Variants in IFNGR1 observed in about 807,000 individuals in gnomAD.
IFNGR1 encodes interferon gamma receptor 1.
In IFNGR1, 23 loss-of-function variants were observed where a neutral mutation model predicts 35.4. The ratio of observed to expected loss-of-function variants is 0.65; its 90% CI spans 0.47 to 0.92. The LOEUF (loss-of-function observed/expected upper bound fraction) is 0.92. Among genes scored for constraint, IFNGR1 ranks in the 40% least tolerant of loss-of-function variants. The pLI is 0.00. For missense variants in IFNGR1, 533 were observed against 583.4 expected, an observed-to-expected ratio of 0.91 and a Z score of 0.89; for synonymous variants, 199 against 209.5, an observed-to-expected ratio of 0.95 and a Z score of 0.43.
chr6:137,212,267 C>G (rs1433791466), intron 1 of IFNGR1, among the ~76,000 whole-genome samples: 1 of 152,158 alleles, frequency 6.6e-6, no homozygotes, highest in Non-Finnish European at 1.5e-5. Context: ...GCTCCACTCC[C>G]CTCCTTTTGA....
At chr6:137,206,425 A>C in intron 2 of IFNGR1, 117 bp from the exon 3 acceptor site, 1 of 745,740 alleles carries the variant, frequency 1.3e-6, no homozygotes, top group South Asian at 1.8e-5. Flanking sequence ...GAGCAGAGCT[A>C]AGAATAGGAT....
chr6:137,214,507 G>A (rs1779645545), intron 1 of IFNGR1, among the ~76,000 whole-genome samples: 2 of 152,114 alleles, frequency 1.3e-5, no homozygotes, highest in African/African-American at 4.8e-5. Context: ...AAAGAGCCAG[G>A]CATAACACAT....
intron 2 of IFNGR1, 53 bp downstream of exon 2, chr6:137,206,910 A>C: frequency 7.2e-7 from 1 of 1,387,002 alleles, no homozygotes; most frequent in Non-Finnish European, 1.0e-6. Context: ...TGGAATTTCC[A>C]AGGACCTAAA....
At position 137,203,566 on chromosome 6, in the gene IFNGR1, A is replaced by G; in HGVS notation, c.666T>C (p.His222=). The stretch of plus-strand genomic sequence containing the variant: ...ACTTTTCAGTTGTAACACCCCACAC[A>G]TGTAAGACTCCTTCTGCTGAAACAC... ...QYCVSAEGVL[H]VWGVTTEKSK... is the part of the protein sequence containing the mutation. Residue 222 remains histidine (H), a synonymous_variant, in exon 5 of 7, where the codon CAT becomes CAC. Coordinates refer to ENST00000367739, the MANE Select transcript of IFNGR1 (RefSeq NM_000416.3). 6.2e-7 allele frequency: 1 copy of G among 1,613,662 alleles called. No individual in the cohort carries two copies. The highest frequency in any genetic ancestry group is 8.5e-7 in the Non-Finnish European group (1 of 1,179,602).
intron 1 of IFNGR1, among the ~76,000 whole-genome samples, chr6:137,217,186 C>G (rs569864562): frequency 6.6e-6 from 1 of 152,188 alleles, no homozygotes; most frequent in Non-Finnish European, 1.5e-5. Context: ...AACTACTTAT[C>G]GACTCCAACT....
intron 6 of IFNGR1, among the ~76,000 whole-genome samples, chr6:137,199,348 T>TTATATTACATAAAA (rs904777048): frequency 7.8e-6 from 1 of 128,110 alleles, no homozygotes; most frequent in African/African-American, 3.0e-5. Context: ...AATATATAAT[T>TTATATTACATAAAA]TATAATTTAT....
At chr6:137,219,138 G>T (rs1425175348) in intron 1 of IFNGR1, 105 bp downstream of exon 1, 2 of 1,460,078 alleles carry the variant, frequency 1.4e-6, no homozygotes, top group Admixed American at 3.9e-5. Flanking sequence ...AGGGGTCCCG[G>T]GCTAGGGCGA....
chr6:137,204,260 T>G, intron 4 of IFNGR1, 72 bp downstream of exon 4: 1 of 1,228,720 alleles, frequency 8.1e-7, no homozygotes, highest in Non-Finnish European at 1.2e-6. Flanking sequence ...CCTATTTTCA[T>G]TACACTACAG....
At chr6:137,200,835 G>A in intron 6 of IFNGR1, 46 bp downstream of exon 6, 1 of 1,389,506 alleles carries the variant, frequency 7.2e-7, no homozygotes, top group Non-Finnish European at 9.9e-7. Flanking sequence ...ATCAAAAAAG[G>A]TTCAAGTTAA....
At chr6:137,217,828 T>TG (rs1276385407) in intron 1 of IFNGR1, among the ~76,000 whole-genome samples, 1 of 152,228 alleles carries the variant, frequency 6.6e-6, no homozygotes, top group Non-Finnish European at 1.5e-5. Context: ...CTCCTCCCCT[T>TG]GTAAGCTCTC....
intron 5 of IFNGR1, among the ~76,000 whole-genome samples, chr6:137,202,579 T>C (rs1779302913): frequency 7.6e-6 from 1 of 130,884 alleles, no homozygotes; most frequent in Non-Finnish European, 1.6e-5. Context: ...TCTAAAAAAA[T>C]CCTAAGGAAA....
intron 1 of IFNGR1, 58 bp downstream of exon 1, chr6:137,219,185 G>A (rs992240499): frequency 1.9e-6 from 3 of 1,552,704 alleles, no homozygotes; most frequent in African/African-American, 1.4e-5. Flanking sequence ...CGGCTGGGGC[G>A]GATCCCTCCC....
At position 137,206,326 on chromosome 6, in the gene IFNGR1, AT is replaced by A. The variant is rs1247796115; in HGVS notation, c.201-19del. 6.4e-7 allele frequency: 1 copy of A among 1,569,812 alleles called. No homozygotes were observed. On this transcript the variant is annotated intron_variant, in intron 2 of 6. Transcript: ENST00000367739. ...TCTTAACACTAAAAAGAATAAAAAA[AT>A]GCGAAGATAACTTTTATTGTTATTA...
intron 6 of IFNGR1, among the ~76,000 whole-genome samples, chr6:137,199,446 TA>T (rs1387961580): frequency 1.0e-5 from 1 of 99,270 alleles, no homozygotes; most frequent in Non-Finnish European, 1.9e-5. Context: ...ATATAATATA[TA>T]AAATATATAA....
chr6:137,211,634 C>G (rs1159908924), intron 1 of IFNGR1, among the ~76,000 whole-genome samples: 1 of 152,188 alleles, frequency 6.6e-6, no homozygotes, highest in Non-Finnish European at 1.5e-5. Context: ...AGGCACTGTT[C>G]TTGCCAGAGT....
rs75851921 is a variant in IFNGR1, at chr6:137,197,830, A to T, written c.*201T>A. ...ATAAGTTACAATGCTTTTTTTGTTT[A>T]AAAAAAAAAAAAAGTCTGTACTTTA... On this transcript the variant is annotated 3_prime_UTR_variant, in exon 7 of 7. Coordinates refer to ENST00000367739, the MANE Select transcript of IFNGR1 (RefSeq NM_000416.3). 68 of 163,866 alleles carry T rather than the reference A, an allele frequency of 4.1e-4. No homozygotes were observed. The highest frequency in any genetic ancestry group is 8.3e-4 in the East Asian group (5 of 6,020). The allele number at this position is 163,866 out of a possible 1,614,324, so 10.2% of individuals were successfully genotyped here.
intron 1 of IFNGR1, among the ~76,000 whole-genome samples, chr6:137,216,595 A>G (rs1401125237): frequency 1.3e-5 from 2 of 152,184 alleles, no homozygotes; most frequent in African/African-American, 4.8e-5. Flanking sequence ...CTTCAACTAT[A>G]GAGTCAAGCC....
chr6:137,204,129 A>C (rs1779367554), intron 4 of IFNGR1, among the ~76,000 whole-genome samples: 1 of 152,222 alleles, frequency 6.6e-6, no homozygotes, highest in East Asian at 1.9e-4. Context: ...AATAAAAACT[A>C]AATGTATTCA....
intron 1 of IFNGR1, among the ~76,000 whole-genome samples, chr6:137,209,671 T>C (rs1256531269): frequency 6.6e-6 from 1 of 152,226 alleles, no homozygotes; most frequent in East Asian, 1.9e-4. Context: ...CATCTTTTTC[T>C]TCCCAGCCTT....
Sources: gnomAD v4.1 joint callset for allele counts (sites outside exome capture counted in the v4.1 genomes callset) on GRCh38, gnomAD v4.1.1 for gene constraint, MANE v1.5 for transcripts, NCBI Gene and HGNC (gene_info 2026-07-23, HGNC 2026-07-21) for gene names.